Variants in RCAN2 observed in about 807,000 individuals in gnomAD.
RCAN2 encodes the protein regulator of calcineurin 2, also known as calcipressin-2.
RCAN2 carries 9 observed loss-of-function variants against 23.6 expected under a neutral mutation model. The observed-to-expected ratio is 0.38, with a 90% confidence interval of 0.23 to 0.67. The LOEUF is 0.67. Ranked by LOEUF, RCAN2 falls within the 30% of genes least tolerant of loss-of-function variation. RCAN2 has a pLI of 0.51. For synonymous variants in RCAN2, 109 were observed against 115.7 expected, an observed-to-expected ratio of 0.94 and a Z score of 0.37; for missense variants, 273 against 302.3, an observed-to-expected ratio of 0.90 and a Z score of 0.72.
At position 46,286,223 on chromosome 6, in the gene RCAN2, G is replaced by A. The variant is rs1480876537; in HGVS notation, c.226-37327C>T. Among the ~76,000 whole-genome samples, 3 of 152,248 alleles carry A rather than the reference G, an allele frequency of 2.0e-5. No individual in the cohort carries two copies. In the East Asian group the frequency reaches 5.8e-4, roughly 29 times the overall value. On this transcript the variant is annotated intron_variant, in intron 2 of 4. Transcript: ENST00000371374. ...CCAACTGTTCAAACTGTTCGAATAA[G>A]GCAAATGCTGACCTATACCCAATCT...
chr6:46,263,521 A>ATGTGTGTGTG (rs1166873309), intron 2 of RCAN2, among the ~76,000 whole-genome samples: 33 of 105,032 alleles, frequency 3.1e-4, no homozygotes, highest in East Asian at 2.6e-3. Context: ...GTATGTGTGT[A>ATGTGTGTGTG]TGTGTGTGTG....
chr6:46,351,014 T>C (rs1764631450), intron 2 of RCAN2, among the ~76,000 whole-genome samples: 1 of 152,202 alleles, frequency 6.6e-6, no homozygotes, highest in South Asian at 2.1e-4. Flanking sequence ...TCTTGGGTTG[T>C]TGGGAGGCTT....
At chr6:46,327,267 T>A (rs1038886833) in intron 2 of RCAN2, among the ~76,000 whole-genome samples, 1 of 151,992 alleles carries the variant, frequency 6.6e-6, no homozygotes, top group Admixed American at 6.6e-5. Flanking sequence ...GAATGCTGGA[T>A]CCCATGTTAG....
intron 2 of RCAN2, among the ~76,000 whole-genome samples, chr6:46,395,281 G>A (rs1238745849): frequency 6.6e-6 from 1 of 152,138 alleles, no homozygotes; most frequent in African/African-American, 2.4e-5. Context: ...GGAAAGATAA[G>A]ATGCAAGCTG....
At chr6:46,237,765 G>A (rs183301344) in intron 4 of RCAN2, among the ~76,000 whole-genome samples, 13 of 152,290 alleles carry the variant, frequency 8.5e-5, no homozygotes, top group Admixed American at 2.6e-4. Context: ...TATGCTATGC[G>A]CTTCTACTTT....
chr6:46,325,681 C>T lies in RCAN2; in HGVS notation c.226-76785G>A, dbSNP rs544189283. On this transcript the variant is annotated intron_variant, in intron 2 of 4. Transcript: ENST00000371374. ...CAGCACAGCAGAGTAACGAACGGCC[C>T]GGCTCGCTCATGGCAATGACATCAC... 3.7e-5 allele frequency: 51 copies of T among 1,370,268 alleles called. No homozygotes were observed. The East Asian group carries it at 5.5e-4, about 15-fold the overall frequency. 84.9% of individuals were successfully genotyped at this position (1,370,268 alleles called of 1,614,324 possible).
At chr6:46,331,409 C>T (rs1472910065) in intron 2 of RCAN2, among the ~76,000 whole-genome samples, 1 of 152,046 alleles carries the variant, frequency 6.6e-6, no homozygotes, top group African/African-American at 2.4e-5. Flanking sequence ...ATGGATTAAA[C>T]ATATGTGATG....
At chr6:46,390,081 G>A (rs183884904) in intron 2 of RCAN2, among the ~76,000 whole-genome samples, 16 of 150,998 alleles carry the variant, frequency 1.1e-4, no homozygotes, top group Middle Eastern at 3.5e-3. Context: ...TGAAATTATC[G>A]TGGTTAGATA....
At chr6:46,228,957 C>T (rs989446513) in intron 4 of RCAN2, among the ~76,000 whole-genome samples, 1 of 152,174 alleles carries the variant, frequency 6.6e-6, no homozygotes, top group Non-Finnish European at 1.5e-5. Context: ...TCTTTTAGGG[C>T]AGGCCTGGTG....
intron 2 of RCAN2, among the ~76,000 whole-genome samples, chr6:46,299,956 A>G (rs1041252351): frequency 1.3e-5 from 2 of 151,916 alleles, no homozygotes; most frequent in African/African-American, 4.8e-5. Flanking sequence ...ATCTAATTAT[A>G]TTACATTTTT....
chr6:46,307,050 C>T (rs1049940057), intron 2 of RCAN2, among the ~76,000 whole-genome samples: 1 of 152,208 alleles, frequency 6.6e-6, no homozygotes, highest in Admixed American at 6.5e-5. Flanking sequence ...CCTCAAATGG[C>T]AATTTCTGTT....
chr6:46,298,728 T>G (rs1216077320), intron 2 of RCAN2, among the ~76,000 whole-genome samples: 2 of 152,042 alleles, frequency 1.3e-5, no homozygotes, highest in African/African-American at 4.8e-5. Flanking sequence ...AAAACAGAAC[T>G]ACTATTCAAC....
At chr6:46,305,983 C>T (rs548271374) in intron 2 of RCAN2, among the ~76,000 whole-genome samples, 2 of 151,054 alleles carry the variant, frequency 1.3e-5, no homozygotes, top group South Asian at 4.2e-4. Context: ...AGCCAAGGTG[C>T]TCAGTACATG....
chr6:46,264,926 T>A (rs1767268653), intron 2 of RCAN2, among the ~76,000 whole-genome samples: 1 of 152,142 alleles, frequency 6.6e-6, no homozygotes, highest in Non-Finnish European at 1.5e-5. Context: ...AGAAACGAGT[T>A]AAAAGAGATT....
intron 2 of RCAN2, among the ~76,000 whole-genome samples, chr6:46,382,837 A>G (rs920240030): frequency 1.3e-5 from 2 of 152,218 alleles, no homozygotes; most frequent in Admixed American, 6.5e-5. Context: ...TCCTGGAAAC[A>G]TGTAGCCTGG....
intron 2 of RCAN2, among the ~76,000 whole-genome samples, chr6:46,331,685 C>G (rs373072471): frequency 5.3e-5 from 8 of 152,202 alleles, no homozygotes; most frequent in Admixed American, 2.6e-4. Context: ...AGATATCAAT[C>G]TAGAGGCTTA....
intron 2 of RCAN2, among the ~76,000 whole-genome samples, chr6:46,392,326 GAA>G (rs946084603): frequency 6.6e-6 from 1 of 152,170 alleles, no homozygotes; most frequent in Non-Finnish European, 1.5e-5. Context: ...ATTGAAAACA[GAA>G]GAGTCGACTT....
At chr6:46,489,958 C>T (rs1328793699) in intron 1 of RCAN2, among the ~76,000 whole-genome samples, 1 of 152,228 alleles carries the variant, frequency 6.6e-6, no homozygotes, top group Non-Finnish European at 1.5e-5. Context: ...GCCTAGTTGA[C>T]AGTCAATGCT....
At chr6:46,395,876 A>C (rs1320140606) in intron 2 of RCAN2, among the ~76,000 whole-genome samples, 2 of 152,146 alleles carry the variant, frequency 1.3e-5, no homozygotes, top group South Asian at 2.1e-4. Flanking sequence ...ATTCTAACTG[A>C]ACAAGCTGAT....
Sources: allele counts gnomAD v4.1 joint callset (sites outside exome capture counted in the v4.1 genomes callset), GRCh38; gene constraint gnomAD v4.1.1; transcripts MANE v1.5; gene names NCBI Gene and HGNC (gene_info 2026-07-23, HGNC 2026-07-21).